The following ANKRD30BL variants were observed in gnomAD, a reference collection of about 807,000 sequenced individuals.
The protein encoded by ANKRD30BL is ankyrin repeat domain 30B like, also known as putative ankyrin repeat domain-containing protein 30B-like.
Under a neutral mutation model 18.4 loss-of-function variants are expected in ANKRD30BL, and 20 were observed. The observed-to-expected ratio is 1.09, with a 90% CI of 0.77 to 1.58. The LOEUF is 1.58. Ranked by LOEUF, ANKRD30BL falls within the 40% of genes most tolerant of loss-of-function variation. The pLI is 0.00. For missense variants in ANKRD30BL, 224 were observed against 268.6 expected (o/e 0.83, Z 1.16); for synonymous variants, 72 against 100.9 (o/e 0.71, Z 1.72).
intron 1 of ANKRD30BL, among the ~76,000 whole-genome samples, chr2:132,248,310 A>T (rs977918518): frequency 6.6e-6 from 1 of 151,982 alleles, no homozygotes; most frequent in African/African-American, 2.4e-5. Context: ...CACTCCAAAC[A>T]TCCATTTGCA....
At chr2:132,198,851 CAGGTG>C (rs1307977669) in intron 1 of ANKRD30BL, among the ~76,000 whole-genome samples, 3 of 152,094 alleles carry the variant, frequency 2.0e-5, no homozygotes, top group Non-Finnish European at 4.4e-5. Context: ...ATCCTGACCT[CAGGTG>C]ATCCACCCAG....
At chr2:132,247,922 T>A (rs1680546376) in intron 1 of ANKRD30BL, among the ~76,000 whole-genome samples, 1 of 152,074 alleles carries the variant, frequency 6.6e-6, no homozygotes, top group Admixed American at 6.6e-5. Context: ...AGTTTTTATG[T>A]GAAGATATTT....
intron 1 of ANKRD30BL, among the ~76,000 whole-genome samples, chr2:132,209,134 G>A (rs113656189): frequency 6.6e-6 from 1 of 150,706 alleles, no homozygotes; most frequent in African/African-American, 2.4e-5. Flanking sequence ...TCTGCAAGTG[G>A]ATATTTTGAG....
chr2:132,175,163 G>A (rs536591390), intron 1 of ANKRD30BL, among the ~76,000 whole-genome samples: 12 of 151,880 alleles, frequency 7.9e-5, no homozygotes, highest in African/African-American at 2.9e-4. Flanking sequence ...TACCAAGGAC[G>A]TGCACCAGCA....
chr2:132,202,523 C>A, intron 1 of ANKRD30BL, among the ~76,000 whole-genome samples: 1 of 150,198 alleles, frequency 6.7e-6, no homozygotes, highest in African/African-American at 2.5e-5. Context: ...AAAATAAAAC[C>A]CTGAATCCAA....
chr2:132,204,956 CA>C (rs1297110567), intron 1 of ANKRD30BL, among the ~76,000 whole-genome samples: 5 of 151,960 alleles, frequency 3.3e-5, no homozygotes, highest in Non-Finnish European at 5.9e-5. Context: ...TAAAGAAAAT[CA>C]AACATCAAAG....
chr2:132,247,325 A>T (rs552931631), intron 1 of ANKRD30BL, among the ~76,000 whole-genome samples: 3 of 151,920 alleles, frequency 2.0e-5, no homozygotes, highest in African/African-American at 4.8e-5. Flanking sequence ...ATATCTTCAC[A>T]TAAAAACTAG....
rs191303938 is a variant in ANKRD30BL at position 132,160,682 on chromosome 2, C to T, written c.218+806G>A. ...TGACCTCATGATCCACCCACCTCGG[C>T]CTCCCAAAGTGCTGGGATTACAGGC... On this transcript the variant is annotated intron_variant, in intron 1 of 5. Coordinates refer to ENST00000409867, the MANE Select transcript of ANKRD30BL (RefSeq NM_001358416.1). 2.8e-3 allele frequency among the ~76,000 whole-genome samples: 427 copies of T among 152,030 alleles called. 3 individuals are homozygous for T. Among genetic ancestry groups the T allele is most frequent in the African/African-American group, 9.5e-3 (392 of 41,456 alleles).
chr2:132,175,666 T>A (rs773834908), intron 1 of ANKRD30BL, among the ~76,000 whole-genome samples: 2 of 152,228 alleles, frequency 1.3e-5, no homozygotes, highest in Non-Finnish European at 2.9e-5. Context: ...CTATCACATG[T>A]GGAGAATCCT....
intron 1 of ANKRD30BL, among the ~76,000 whole-genome samples, chr2:132,236,394 C>T (rs1680152619): frequency 1.3e-5 from 2 of 152,040 alleles, no homozygotes; most frequent in Non-Finnish European, 2.9e-5. Flanking sequence ...GGGCTAATAT[C>T]CAGAATCTAC....
intron 1 of ANKRD30BL, among the ~76,000 whole-genome samples, chr2:132,247,445 T>C (rs78989214): frequency 1.3e-5 from 2 of 148,700 alleles, no homozygotes; most frequent in South Asian, 2.1e-4. Flanking sequence ...AGAGGCATCA[T>C]TGGGTTCAGA....
intron 1 of ANKRD30BL, among the ~76,000 whole-genome samples, chr2:132,233,083 C>A (rs1462288908): frequency 6.6e-6 from 1 of 151,918 alleles, no homozygotes; most frequent in South Asian, 2.1e-4. Context: ...TCCAGCCAAA[C>A]AAAGCTTCAT....
intron 1 of ANKRD30BL, among the ~76,000 whole-genome samples, chr2:132,200,821 G>T (rs1040275528): frequency 1.5e-4 from 23 of 152,134 alleles, no homozygotes; most frequent in Non-Finnish European, 3.2e-4. Context: ...AACCAAAAAA[G>T]AGCCCGCATC....
At chr2:132,222,888 G>A (rs1356921262) in intron 1 of ANKRD30BL, among the ~76,000 whole-genome samples, 3 of 130,658 alleles carry the variant, frequency 2.3e-5, no homozygotes, top group East Asian at 2.6e-4. Context: ...TGTAGAATCC[G>A]TAAGTGAACT....
chr2:132,166,937 T>G (rs1274779471), upstream of ANKRD30BL, among the ~76,000 whole-genome samples: 9 of 152,026 alleles, frequency 5.9e-5, no homozygotes, highest in Non-Finnish European at 1.2e-4. Context: ...TACTATAAAT[T>G]TAGGTACTAG....
chr2:132,160,360 C>T (rs1171475338), intron 1 of ANKRD30BL, among the ~76,000 whole-genome samples: 2 of 148,546 alleles, frequency 1.3e-5, no homozygotes, highest in South Asian at 2.1e-4. Flanking sequence ...CTTGGCCGCC[C>T]GAAGTGCTGG....
rs201176317 is a variant in ANKRD30BL at position 132,230,676 on chromosome 2, C to T, written n.441+26853G>A. Among the ~76,000 whole-genome samples the T allele has an allele frequency of 1.3e-4, 19 of 151,240 alleles. 1 individual carries two copies. In the East Asian group the frequency reaches 2.2e-3, roughly 17 times the overall value. On this transcript the variant is annotated intron_variant and non_coding_transcript_variant, in intron 1 of 4. Coordinates refer to the ANKRD30BL transcript ENST00000470729. ...TAAAAACTAGACAGAAGCATTCTCA[C>T]AAACTTCTTTGTGATTTGTGCATTA...
chr2:132,252,012 C>T (rs371644806), intron 1 of ANKRD30BL, among the ~76,000 whole-genome samples: 1 of 152,180 alleles, frequency 6.6e-6, no homozygotes, highest in Non-Finnish European at 1.5e-5. Flanking sequence ...AAACCAAACA[C>T]AAAATGACCT....
intron 1 of ANKRD30BL, among the ~76,000 whole-genome samples, chr2:132,184,219 C>G (rs1043465965): frequency 1.3e-5 from 2 of 152,088 alleles, no homozygotes; most frequent in African/African-American, 4.8e-5. Context: ...ATTACAGGCA[C>G]CTGCCACCAT....
Sources: allele counts gnomAD v4.1 joint callset (sites outside exome capture counted in the v4.1 genomes callset), GRCh38; gene constraint gnomAD v4.1.1; transcripts MANE v1.5; gene names NCBI Gene and HGNC (gene_info 2026-07-23, HGNC 2026-07-21).